Variants in RC3H2 observed in about 807,000 individuals in gnomAD.
RC3H2 encodes roquin-2.
Under a neutral mutation model 133.3 loss-of-function variants are expected in RC3H2, and 31 were observed. The ratio of observed to expected loss-of-function variants is 0.23; its 90% CI spans 0.17 to 0.31. The LOEUF is 0.31. RC3H2 is among the 10% of genes least tolerant of loss of function. The pLI is 1.00. For missense variants in RC3H2, 1,175 were observed against 1,437.2 expected, an observed-to-expected ratio of 0.82 and a Z score of 2.95; for synonymous variants, 517 against 502.2, an observed-to-expected ratio of 1.03 and a Z score of -0.40.
intron 5 of RC3H2, among the ~76,000 whole-genome samples, chr9:122,882,845 TAC>T (rs972654420): frequency 6.6e-6 from 1 of 152,234 alleles, no homozygotes; most frequent in Non-Finnish European, 1.5e-5. Context: ...AATAATGGGT[TAC>T]AAAGTTTACA....
chr9:122,851,647 C>G (rs1013505963), intron 18 of RC3H2: 8 of 571,210 alleles, frequency 1.4e-5, no homozygotes, highest in Non-Finnish European at 2.4e-5. Flanking sequence ...CAGGCGCGCG[C>G]CGCCACGCCT....
Position 122,857,944 on chromosome 9 carries a change from G to C in RC3H2, c.2433C>G (p.Phe811Leu). 2 of 1,614,158 alleles carry C rather than the reference G, an allele frequency of 1.2e-6. No homozygotes were observed. Among genetic ancestry groups the C allele is most frequent in the East Asian group, 4.5e-5 (2 of 44,888 alleles). Residue 811 changes from phenylalanine (F) to leucine (L), a missense_variant, in exon 13 of 21, where the codon TTC becomes TTG. By Grantham distance (22) the Phe-to-Leu change is conservative. Around this residue, in one of 8 missense-constraint regions of RC3H2, gnomAD observed 490 missense variants for 492.8 expected, o/e 0.99. Transcript: ENST00000357244. ...TQSPTPPSPL[F>L]SVDFRADFSE... ...TTACATCCGCACGAAAGTCTACACT[G>C]AACAGAGGAGAAGGTGGTGTTGGTG...
chr9:122,902,643 T>A (rs1316728357), intron 1 of RC3H2, among the ~76,000 whole-genome samples: 1 of 152,004 alleles, frequency 6.6e-6, no homozygotes, highest in African/African-American at 2.4e-5. Flanking sequence ...CTTGAGGTCA[T>A]GAGTTCCAGA....
intron 3 of RC3H2, among the ~76,000 whole-genome samples, chr9:122,891,234 G>A (rs1832155553): frequency 6.6e-6 from 1 of 151,892 alleles, no homozygotes; most frequent in Admixed American, 6.6e-5. Context: ...TGTTGGCCAG[G>A]GTGGTCTCAA....
Position 122,859,018 on chromosome 9 carries a change from G to A in RC3H2, c.1934C>T (p.Ser645Phe). 6.2e-7 allele frequency: 1 copy of A among 1,613,886 alleles called. No homozygotes were observed. The change falls in exon 12 of 21, where the codon TCC becomes TTC. Residue 645 changes from serine to phenylalanine, a missense_variant. Physicochemically the swap from Ser to Phe is radical, Grantham distance 155. Coordinates refer to ENST00000357244, the MANE Select transcript of RC3H2 (RefSeq NM_001100588.3). ...RFVRSNNVPE[S>F]SLPPASMPYA... is the part of the protein sequence containing the mutation. ...TGGCATGGAAGCAGGTGGGAGGGAG[G>A]ACTCTGGAACGTTATTGGACCTCAC...
At chr9:122,890,614 C>A in intron 3 of RC3H2, 69 bp from the exon 4 acceptor site, 1 of 1,203,878 alleles carries the variant, frequency 8.3e-7, no homozygotes, top group South Asian at 1.5e-5. Flanking sequence ...TTTTCATTAT[C>A]TGCATTTAAC....
In RC3H2 at chr9:122,851,303, T is replaced by C. The variant is rs768144003; in HGVS notation, c.3231+20A>G. The C allele has an allele frequency of 1.2e-6, 2 of 1,611,902 alleles. No homozygotes were observed. Among genetic ancestry groups the C allele is most frequent in the East Asian group, 2.2e-5 (1 of 44,886 alleles). On this transcript the variant is annotated intron_variant, in intron 19 of 20. Coordinates refer to ENST00000357244, the MANE Select transcript of RC3H2 (RefSeq NM_001100588.3). ...TTTCAATCAAACAAAGCCTCTCAAT[T>C]ATCTAATTGTGGCACTTACTTCAAT...
intron 8 of RC3H2, among the ~76,000 whole-genome samples, chr9:122,879,393 A>G (rs547697170): frequency 6.7e-6 from 1 of 148,582 alleles, no homozygotes; most frequent in Admixed American, 6.8e-5. Flanking sequence ...GACTTTGTCT[A>G]AAAAAAAAAG....
intron 18 of RC3H2, among the ~76,000 whole-genome samples, chr9:122,853,156 G>C (rs1830114400): frequency 6.6e-6 from 1 of 151,770 alleles, no homozygotes; most frequent in African/African-American, 2.4e-5. Flanking sequence ...TGCAAGATGT[G>C]CTTTGTTAAA....
At chr9:122,852,521 C>T (rs62580883) in intron 18 of RC3H2, among the ~76,000 whole-genome samples, 10,316 of 144,300 alleles carry the variant, frequency 0.071, 359 homozygotes, top group African/African-American at 0.11. Context: ...CCGCCCCGTC[C>T]GGGAGGGAGG....
chr9:122,879,313 G>A (rs1831494602), intron 8 of RC3H2, among the ~76,000 whole-genome samples: 1 of 151,852 alleles, frequency 6.6e-6, no homozygotes, highest in African/African-American at 2.4e-5. Flanking sequence ...AGAATCACCT[G>A]AACTCAGGAG....
At chr9:122,903,879 T>C (rs908457693) in intron 1 of RC3H2, among the ~76,000 whole-genome samples, 4 of 152,348 alleles carry the variant, frequency 2.6e-5, no homozygotes, top group South Asian at 4.1e-4. Flanking sequence ...GTGGTATAGC[T>C]TTTTAGACAG....
At chr9:122,873,020 T>C (rs1831164686) in intron 9 of RC3H2, among the ~76,000 whole-genome samples, 5 of 152,230 alleles carry the variant, frequency 3.3e-5, no homozygotes, top group Non-Finnish European at 7.3e-5. Context: ...CATATTTATT[T>C]TATGTTTACA....
Position 122,869,767 on chromosome 9 carries a change from A to G in RC3H2, c.1326-4110T>C, listed in dbSNP as rs1588078285. 1.3e-5 allele frequency among the ~76,000 whole-genome samples: 2 copies of G among 152,054 alleles called. 1 individual carries two copies. Among genetic ancestry groups the G allele is most frequent in the East Asian group, 3.9e-4 (2 of 5,156 alleles). Reference sequence around the variant, plus strand: ...GTATTTTTAGTAGAGATGGGGTTTCATCATGTTGGCCAAGCTGTTCTCAAA... The same window carrying G: ...GTATTTTTAGTAGAGATGGGGTTTCGTCATGTTGGCCAAGCTGTTCTCAAA... On this transcript the variant is annotated intron_variant, in intron 9 of 20. Transcript: ENST00000357244.
rs377055741 is a variant in RC3H2, at chr9:122,877,430, C to A, written c.1325+41G>T. ...CTGTATATAACATTCCCATAAAAAT[C>A]AAAAATTAAACCCATATGAAACAGA... On this transcript the variant is annotated intron_variant, in intron 9 of 20. Transcript: ENST00000357244. 10 of 1,517,812 alleles carry A rather than the reference C, an allele frequency of 6.6e-6. No homozygotes were observed. In the Admixed American group the frequency reaches 8.5e-5, roughly 13 times the overall value. The allele number at this position is 1,517,812 out of a possible 1,614,324, so 94.0% of individuals were successfully genotyped here.
At chr9:122,858,637 A>G (rs767863253) in intron 12 of RC3H2, 32 bp downstream of exon 12, 1 of 1,569,458 alleles carries the variant, frequency 6.4e-7, no homozygotes, top group Admixed American at 1.7e-5. Flanking sequence ...CTGGGCTGTT[A>G]ATGACTACAT....
rs777741240 is a variant in RC3H2 at position 122,851,104 on chromosome 9, A to C, written c.3357T>G (p.Ser1119Arg). 1.9e-6 allele frequency: 3 copies of C among 1,613,888 alleles called. No homozygotes were observed. The South Asian group carries it at 3.3e-5, about 18-fold the overall frequency. ...QKEPPKQKKQ[S>R]LGEDHVILEE... ...ACAGAATCACATGGTCTTCACCTAAACTCTGTTTCTTCTGCTTTGGTGGCT... is the reference window on the plus strand; with the variant it reads ...ACAGAATCACATGGTCTTCACCTAACCTCTGTTTCTTCTGCTTTGGTGGCT... The change falls in exon 20 of 21, where the codon AGT becomes AGG. Residue 1119 changes from serine (S) to arginine (R), a missense_variant. Physicochemically the swap from Ser to Arg is moderately radical, Grantham distance 110. Coordinates refer to ENST00000357244, the MANE Select transcript of RC3H2 (RefSeq NM_001100588.3).
At chr9:122,862,696 A>G (rs1404415580) in intron 10 of RC3H2, among the ~76,000 whole-genome samples, 2 of 152,096 alleles carry the variant, frequency 1.3e-5, no homozygotes, top group Admixed American at 1.3e-4. Context: ...GGAGTTCTAG[A>G]CCAGTCTGGC....
chr9:122,869,395 T>A (rs762766656), intron 9 of RC3H2, among the ~76,000 whole-genome samples: 2 of 152,218 alleles, frequency 1.3e-5, no homozygotes, highest in African/African-American at 4.8e-5. Flanking sequence ...TCCTCTGGTA[T>A]CTATAAACAA....
Sources: gnomAD v4.1 joint callset for allele counts (sites outside exome capture counted in the v4.1 genomes callset) on GRCh38, gnomAD v4.1.1 for gene constraint, gnomAD v4.1.1 regional missense constraint, MANE v1.5 for transcripts, NCBI Gene and HGNC (gene_info 2026-07-23, HGNC 2026-07-21) for gene names.